Variants in APOOL observed in about 807,000 individuals in gnomAD.
The protein encoded by APOOL is apolipoprotein O like, also known as MICOS complex subunit MIC27.
APOOL carries 12 observed loss-of-function variants against 23.1 expected under a neutral mutation model. The observed-to-expected ratio is 0.52, with a 90% CI of 0.33 to 0.84. APOOL has a LOEUF of 0.84. Ranked by LOEUF, APOOL falls within the 40% of genes least tolerant of loss-of-function variation. APOOL has a pLI of 0.02. For synonymous variants in APOOL, 77 were observed against 69.9 expected, an observed-to-expected ratio of 1.10 and a Z score of -0.51; for missense variants, 212 against 199.6, an observed-to-expected ratio of 1.06 and a Z score of -0.37.
chrX:85,047,946 G>A (rs184410374), intron 2 of APOOL, among the ~76,000 whole-genome samples: 1 of 111,467 alleles, frequency 9.0e-6, no homozygotes, highest in South Asian at 3.8e-4. Context: ...TCAAATAAAT[G>A]TAAAATTTTC....
intron 1 of APOOL, among the ~76,000 whole-genome samples, chrX:85,037,963 C>G (rs1049000805): frequency 9.0e-6 from 1 of 111,449 alleles, no homozygotes; most frequent in Non-Finnish European, 1.9e-5. Context: ...ACAACAAAAA[C>G]AAAAATAAAC....
intron 8 of APOOL, among the ~76,000 whole-genome samples, chrX:85,077,891 C>A (rs1378651358): frequency 2.7e-5 from 3 of 112,082 alleles, no homozygotes; most frequent in Non-Finnish European, 5.6e-5. Flanking sequence ...TAAATGTCTT[C>A]TTTTGAGAAG....
At chrX:85,076,682 G>A (rs1423358638) in intron 8 of APOOL, among the ~76,000 whole-genome samples, 1 of 110,592 alleles carries the variant, frequency 9.0e-6, no homozygotes, top group Non-Finnish European at 1.9e-5. Context: ...CACTTACCTA[G>A]TGAGCCTAGC....
At chrX:85,084,095 G>T (rs1026729668) in intron 8 of APOOL, among the ~76,000 whole-genome samples, 6 of 105,876 alleles carry the variant, frequency 5.7e-5, no homozygotes, top group African/African-American at 1.7e-4. Context: ...TTCTTAGAAA[G>T]ATATAATTCT....
At chrX:85,046,136 C>T (rs911206908) in intron 1 of APOOL, among the ~76,000 whole-genome samples, 11 of 111,133 alleles carry the variant, frequency 9.9e-5, no homozygotes, top group Non-Finnish European at 2.1e-4. Flanking sequence ...CAATCCCACT[C>T]CATTCCTCAG....
intron 1 of APOOL, among the ~76,000 whole-genome samples, chrX:85,029,488 C>T (rs1241242909): frequency 9.0e-6 from 1 of 111,122 alleles, no homozygotes; most frequent in Non-Finnish European, 1.9e-5. Flanking sequence ...TTTTTTTTCC[C>T]AGTACCTAGT....
intron 1 of APOOL, among the ~76,000 whole-genome samples, chrX:85,022,434 T>A: frequency 8.9e-6 from 1 of 111,775 alleles, no homozygotes; most frequent in Non-Finnish European, 1.9e-5. Flanking sequence ...GTTCAAAATA[T>A]GCAGATCAAT....
chrX:85,028,852 G>A (rs1445753114), intron 1 of APOOL, among the ~76,000 whole-genome samples: 1 of 111,145 alleles, frequency 9.0e-6, no homozygotes, highest in Admixed American at 9.6e-5. Context: ...CATCCTTGTT[G>A]AAAATACTGG....
chrX:85,012,597 G>A (rs1921328102), intron 1 of APOOL, among the ~76,000 whole-genome samples: 1 of 111,156 alleles, frequency 9.0e-6, no homozygotes, highest in Non-Finnish European at 1.9e-5. Context: ...TTCTGTTGAG[G>A]TGATCTTATG....
intron 5 of APOOL, among the ~76,000 whole-genome samples, chrX:85,062,101 A>C (rs1923250232): frequency 9.0e-6 from 1 of 110,924 alleles, no homozygotes; most frequent in Admixed American, 9.5e-5. Context: ...GTTGGTTTCA[A>C]AGAACATCTT....
chrX:85,072,932 A>T (rs937709988), intron 6 of APOOL, among the ~76,000 whole-genome samples: 12 of 111,889 alleles, frequency 1.1e-4, no homozygotes, highest in Non-Finnish European at 7.5e-5. Flanking sequence ...GTGGTTCATC[A>T]TGGACTTCCA....
At chrX:85,007,212 A>C (rs1921109125) in intron 1 of APOOL, among the ~76,000 whole-genome samples, 1 of 111,434 alleles carries the variant, frequency 9.0e-6, no homozygotes, top group Admixed American at 9.6e-5. Context: ...ATAATTGCTG[A>C]GAAGTGAGGG....
rs1157268317 is a variant in APOOL at position 85,092,185 on chromosome X, C to CT, written c.*4507_*4508insT. 1.4e-5 allele frequency: 5 copies of CT among 350,771 alleles called. No individual in the cohort carries two copies. The highest frequency in any genetic ancestry group is 2.4e-5 in the Non-Finnish European group (5 of 205,839). The allele number at this position is 350,771 out of a possible 1,213,427, so 28.9% of individuals were successfully genotyped here. On this transcript the variant is annotated 3_prime_UTR_variant, in exon 9 of 9. Transcript: ENST00000373173. ...TAAATTATCTGCTCTTTTGGATTAT[C>CT]ACTACTGCTACTAGCCGTTAGAATA...
rs766613990 is a variant in APOOL, at chrX:85,005,675, T to TGAATAAAGTGCCAGGCAATGAGGACA, written c.15+1752_15+1777dup. 5.7e-3 allele frequency among the ~76,000 whole-genome samples: 637 copies of TGAATAAAGTGCCAGGCAATGAGGACA among 111,582 alleles called. 5 individuals carry two copies. Among genetic ancestry groups the TGAATAAAGTGCCAGGCAATGAGGACA allele is most frequent in the African/African-American group, 0.02 (614 of 30,656 alleles). ...TATTAGGTAGTCAACATGTTCTACA[T>TGAATAAAGTGCCAGGCAATGAGGACA]GAATAAAGTGCCAGGCAATGAGGAC... On this transcript the variant is annotated intron_variant, in intron 1 of 8. Coordinates refer to ENST00000373173, the MANE Select transcript of APOOL (RefSeq NM_198450.6).
chrX:85,080,660 G>A (rs1358555950), intron 8 of APOOL, among the ~76,000 whole-genome samples: 1 of 111,118 alleles, frequency 9.0e-6, no homozygotes. Context: ...AACCTTCTGT[G>A]TCATTGATCT....
chrX:85,049,654 G>C (rs1459587915), intron 2 of APOOL, among the ~76,000 whole-genome samples: 2 of 110,294 alleles, frequency 1.8e-5, no homozygotes, highest in African/African-American at 6.6e-5. Context: ...GGTTTGTTGG[G>C]GGTGTGCCTG....
At chrX:85,039,927 T>G (rs1922351197) in intron 1 of APOOL, among the ~76,000 whole-genome samples, 1 of 112,061 alleles carries the variant, frequency 8.9e-6, no homozygotes, top group Non-Finnish European at 1.9e-5. Flanking sequence ...ATGTGCAGAT[T>G]TGGTCCTGTC....
In APOOL at chrX:85,051,373, C is replaced by T. The variant is rs765744006; in HGVS notation, c.121-16C>T. 5 of 1,203,633 alleles carry T rather than the reference C, an allele frequency of 4.2e-6. No homozygotes were observed. In the Admixed American group the frequency reaches 8.8e-5, roughly 21 times the overall value. ...AGCTATTTTATGTTTTTGACATGAACATTTTTTGCCTGTAGCTCCCCATAT... is the reference window on the plus strand; with the variant it reads ...AGCTATTTTATGTTTTTGACATGAATATTTTTTGCCTGTAGCTCCCCATAT... On this transcript the variant is annotated splice_polypyrimidine_tract_variant and intron_variant, in intron 2 of 8. Transcript: ENST00000373173.
At chrX:85,037,510 G>A (rs888783869) in intron 1 of APOOL, among the ~76,000 whole-genome samples, 17 of 111,286 alleles carry the variant, frequency 1.5e-4, no homozygotes, top group African/African-American at 5.2e-4. Context: ...TCTTTCTTTG[G>A]TAAATTGCCC....
Sources: gnomAD v4.1 joint callset for allele counts (sites outside exome capture counted in the v4.1 genomes callset) on GRCh38, gnomAD v4.1.1 for gene constraint, MANE v1.5 for transcripts, NCBI Gene and HGNC (gene_info 2026-07-23, HGNC 2026-07-21) for gene names.